Variants in KAZN observed in about 807,000 individuals in gnomAD.
KAZN encodes the protein kazrin.
In KAZN, 40 loss-of-function variants were observed where a neutral mutation model predicts 87.4. The observed-to-expected ratio is 0.46, with a 90% CI of 0.36 to 0.60. KAZN has a LOEUF of 0.60. KAZN is among the 20% of genes least tolerant of loss of function. The pLI, the probability that KAZN is intolerant of heterozygous loss-of-function variation, is 0.00. For missense variants in KAZN, 898 were observed against 1,073.9 expected (o/e 0.84, Z 2.29); for synonymous variants, 466 against 458.3 (o/e 1.02, Z -0.22).
At chr1:14,009,282 A>G (rs1176196502) in intron 1 of KAZN, among the ~76,000 whole-genome samples, 1 of 152,216 alleles carries the variant, frequency 6.6e-6, no homozygotes, top group Non-Finnish European at 1.5e-5. Context: ...TGTACACGTA[A>G]GTCTTTGAGA....
intron 1 of KAZN, among the ~76,000 whole-genome samples, chr1:14,687,886 T>C (rs1163572788): frequency 3.3e-5 from 5 of 152,198 alleles, no homozygotes; most frequent in Admixed American, 6.5e-5. Context: ...ATTTTCAACA[T>C]GGAGACCAAA....
At chr1:14,082,379 C>A (rs1643708630) in intron 1 of KAZN, among the ~76,000 whole-genome samples, 1 of 152,130 alleles carries the variant, frequency 6.6e-6, no homozygotes, top group Non-Finnish European at 1.5e-5. Flanking sequence ...ATAGTCCAGG[C>A]AAGGGGGAGC....
chr1:14,197,317 G>T (rs566975148), intron 2 of KAZN, among the ~76,000 whole-genome samples: 9 of 150,644 alleles, frequency 6.0e-5, no homozygotes, highest in Admixed American at 2.7e-4. Context: ...TCTTGCACAG[G>T]TTGTCAAGGT....
chr1:14,009,111 G>A (rs757911382), intron 1 of KAZN, among the ~76,000 whole-genome samples: 7 of 152,136 alleles, frequency 4.6e-5, no homozygotes, highest in Non-Finnish European at 8.8e-5. Context: ...TGAGCTCAAT[G>A]TTCATCCATG....
intron 2 of KAZN, among the ~76,000 whole-genome samples, chr1:14,519,378 G>A (rs1671462197): frequency 1.3e-5 from 2 of 152,134 alleles, no homozygotes; most frequent in Admixed American, 1.3e-4. Flanking sequence ...CAGAAGAGAA[G>A]AGGCAAAGAA....
intron 1 of KAZN, among the ~76,000 whole-genome samples, chr1:14,892,896 C>T (rs1654870813): frequency 6.6e-6 from 1 of 152,168 alleles, no homozygotes; most frequent in Non-Finnish European, 1.5e-5. Flanking sequence ...GAGGAAGGAC[C>T]AGTCTCCTAA....
chr1:14,401,207 G>T (rs1663379743), intron 2 of KAZN, among the ~76,000 whole-genome samples: 2 of 152,096 alleles, frequency 1.3e-5, no homozygotes. Flanking sequence ...AATCAGAAAT[G>T]GAGAGAATAT....
intron 4 of KAZN, among the ~76,000 whole-genome samples, chr1:15,053,100 GCCTGGGTGCTTATTTCT>G (rs1674587884): frequency 6.6e-6 from 1 of 152,236 alleles, no homozygotes; most frequent in Admixed American, 6.5e-5. Context: ...TGGCAGACCA[GCCTGGGTGCTTATTTCT>G]CCCGAGTCGC....
intron 1 of KAZN, among the ~76,000 whole-genome samples, chr1:14,777,689 G>T (rs552294594): frequency 1.1e-4 from 16 of 152,232 alleles, no homozygotes; most frequent in African/African-American, 3.9e-4. Context: ...CCTCCTCATT[G>T]TCACTCGGGT....
chr1:14,371,130 A>G (rs1660446279), intron 2 of KAZN, among the ~76,000 whole-genome samples: 3 of 152,172 alleles, frequency 2.0e-5, no homozygotes, highest in Admixed American at 2.0e-4. Context: ...GGGCTTACTA[A>G]AACACAGCTG....
intron 8 of KAZN, among the ~76,000 whole-genome samples, chr1:15,072,148 G>T (rs1193742102): frequency 1.3e-5 from 2 of 152,096 alleles, no homozygotes; most frequent in South Asian, 4.2e-4. Flanking sequence ...CTGTAAAATG[G>T]GTGTAATTAC....
chr1:14,344,255 C>G (rs1244219444), intron 2 of KAZN, among the ~76,000 whole-genome samples: 1 of 145,732 alleles, frequency 6.9e-6, no homozygotes. Context: ...GGCAACTGAA[C>G]CCTAGAAATG....
chr1:14,236,386 G>C (rs1380480003), intron 2 of KAZN, among the ~76,000 whole-genome samples: 1 of 152,096 alleles, frequency 6.6e-6, no homozygotes, highest in Non-Finnish European at 1.5e-5. Flanking sequence ...TCTTCCTCTT[G>C]TGCAGTAGGA....
chr1:14,656,791 T>C (rs1198376709), intron 1 of KAZN, among the ~76,000 whole-genome samples: 1 of 152,194 alleles, frequency 6.6e-6, no homozygotes, highest in East Asian at 1.9e-4. Flanking sequence ...ATCCCCATGA[T>C]CCAAGCACCT....
At position 15,112,484 on chromosome 1, in the gene KAZN, C is replaced by A; in HGVS notation, c.2106C>A (p.Ser702Arg). Residue 702 changes from serine to arginine, a missense_variant, in exon 14 of 15, where the codon AGC becomes AGA. Ser to Arg is a moderately radical substitution (Grantham distance 110). This residue lies in a region of KAZN where 127 missense variants were observed against 121.5 expected (regional missense o/e 1.04). Transcript: ENST00000376030. ...GAACGCCCCCTGGCAGGGCCTCCAG[C>A]GTCACGCGGGCAGGAAAGGAGGAGA... The part of the protein sequence containing the change: ...RFGTPPGRAS[S>R]VTRAGKEENS... The A allele has an allele frequency of 6.2e-7, 1 of 1,609,352 alleles. No individual in the cohort carries two copies. Among genetic ancestry groups the A allele is most frequent in the South Asian group, 1.1e-5 (1 of 89,464 alleles).
At chr1:14,977,155 G>A (rs1384915318) in intron 2 of KAZN, among the ~76,000 whole-genome samples, 2 of 152,258 alleles carry the variant, frequency 1.3e-5, no homozygotes, top group East Asian at 3.9e-4. Context: ...TCCCCTGGGA[G>A]GGGCTGTGCT....
chr1:14,335,081 G>A (rs1256653610), intron 2 of KAZN, among the ~76,000 whole-genome samples: 2 of 150,258 alleles, frequency 1.3e-5, no homozygotes, highest in Admixed American at 6.7e-5. Context: ...GGCCATGGGG[G>A]CGGATCCCTC....
rs139743563 is a variant in KAZN at position 14,773,374 on chromosome 1, G to A, written c.226+174151G>A. ...TGCCCACGATGCCATTGCTTCAAAT[G>A]GCTTTCAACAACGCCCTCCACTCCA... On this transcript the variant is annotated intron_variant, in intron 1 of 14. Transcript: ENST00000376030. The surrounding 1 kb of genome is among the most constrained non-coding windows in gnomAD (Gnocchi z 5.9). 6.6e-6 allele frequency among the ~76,000 whole-genome samples: 1 copy of A among 152,044 alleles called. No individual in the cohort carries two copies. The highest frequency in any genetic ancestry group is 1.5e-5 in the Non-Finnish European group (1 of 68,002).
At chr1:14,723,273 C>T (rs1643211175) in intron 1 of KAZN, among the ~76,000 whole-genome samples, 1 of 152,160 alleles carries the variant, frequency 6.6e-6, no homozygotes, top group Non-Finnish European at 1.5e-5. Flanking sequence ...GCTGTCTGCC[C>T]CCACACTGTC....
Sources: allele counts gnomAD v4.1 joint callset (sites outside exome capture counted in the v4.1 genomes callset), GRCh38; gene constraint gnomAD v4.1.1; regional missense constraint gnomAD v4.1.1; non-coding constraint Gnocchi (gnomAD v3.1); transcripts MANE v1.5; gene names NCBI Gene and HGNC (gene_info 2026-07-23, HGNC 2026-07-21).